ZMYND8: variants seen among roughly 807,000 people sequenced by gnomAD.
The protein encoded by ZMYND8 is MYND-type zinc finger-containing chromatin reader ZMYND8.
In ZMYND8, 37 loss-of-function variants were observed where a neutral mutation model predicts 140.8. That is an observed-to-expected ratio of 0.26 (90% confidence interval 0.20 to 0.35). The LOEUF is 0.35. Among genes scored for constraint, ZMYND8 ranks in the 10% least tolerant of loss-of-function variants. The probability of loss-of-function intolerance (pLI) is 1.00; values close to 1 mark genes in which losing one functional copy is unlikely to be tolerated. For missense variants in ZMYND8, 1,068 were observed against 1,570.0 expected, an observed-to-expected ratio of 0.68 and a Z score of 5.40; for synonymous variants, 592 against 597.1, an observed-to-expected ratio of 0.99 and a Z score of 0.12.
chr20:47,263,741 A>G (rs1258168711), intron 11 of ZMYND8, among the ~76,000 whole-genome samples: 1 of 152,198 alleles, frequency 6.6e-6, no homozygotes, highest in East Asian at 1.9e-4. Flanking sequence ...AAAGAGAGAC[A>G]CTAATAATAT....
intron 5 of ZMYND8, among the ~76,000 whole-genome samples, chr20:47,293,818 A>G (rs1025991739): frequency 6.6e-6 from 1 of 151,998 alleles, no homozygotes; most frequent in Non-Finnish European, 1.5e-5. Flanking sequence ...TTTAATCCCT[A>G]CATGTCAAGG....
chr20:47,215,289 C>T (rs892383738), intron 21 of ZMYND8, among the ~76,000 whole-genome samples: 1 of 152,138 alleles, frequency 6.6e-6, no homozygotes. Flanking sequence ...AGGAGAATCA[C>T]TTGAACCTGG....
chr20:47,224,686 T>A (rs1293661745), intron 18 of ZMYND8, 130 bp from the exon 19 acceptor site: 1 of 1,496,348 alleles, frequency 6.7e-7, no homozygotes, highest in African/African-American at 1.4e-5. Flanking sequence ...TGTGTGCCCA[T>A]GGGCAATAAC....
chr20:47,282,306 T>TG, intron 9 of ZMYND8, 89 bp from the exon 10 acceptor site: 1 of 1,111,368 alleles, frequency 9.0e-7, no homozygotes, highest in South Asian at 1.4e-5. Flanking sequence ...GAAGCAGGAC[T>TG]GTGGGACACA....
chr20:47,287,433 A>C lies in ZMYND8; in HGVS notation c.749-149T>G. 6.0e-6 allele frequency: 4 copies of C among 670,388 alleles called. No homozygotes were observed. The East Asian group carries it at 1.1e-4, about 18-fold the overall frequency. The allele number at this position is 670,388 out of a possible 1,614,324, so 41.5% of individuals were successfully genotyped here. On this transcript the variant is annotated intron_variant, in intron 7 of 22. Coordinates refer to ENST00000471951, the MANE Select transcript of ZMYND8 (RefSeq NM_001281775.3). ...AAACCAGAGGTTCCTGGCTTCTAATAGTAATTCACATTATGTGATTCCTCC... is the reference window on the plus strand; with the variant it reads ...AAACCAGAGGTTCCTGGCTTCTAATCGTAATTCACATTATGTGATTCCTCC...
At chr20:47,300,482 G>A (rs764706179) in intron 3 of ZMYND8, among the ~76,000 whole-genome samples, 2 of 152,110 alleles carry the variant, frequency 1.3e-5, no homozygotes, top group East Asian at 1.9e-4. Context: ...TTTACTAAAC[G>A]GTTATCATTG....
intron 8 of ZMYND8, among the ~76,000 whole-genome samples, chr20:47,285,385 G>A (rs1454848254): frequency 1.3e-5 from 2 of 152,216 alleles, no homozygotes; most frequent in Admixed American, 6.5e-5. Context: ...GGATGGCAGA[G>A]TGCACCTCCT....
At chr20:47,216,675 T>A (rs1273250394) in intron 21 of ZMYND8, among the ~76,000 whole-genome samples, 1 of 151,464 alleles carries the variant, frequency 6.6e-6, no homozygotes, top group Non-Finnish European at 1.5e-5. Context: ...GGTGTGGTGG[T>A]GCACACCTAT....
chr20:47,241,294 CAAAAA>C (rs11476591), intron 14 of ZMYND8, among the ~76,000 whole-genome samples: 14 of 62,032 alleles, frequency 2.3e-4, no homozygotes, highest in African/African-American at 6.2e-4. Context: ...GACTCCGTCT[CAAAAA>C]AAAAAAAAAA....
At chr20:47,340,918 T>G (rs920415925) in intron 2 of ZMYND8, among the ~76,000 whole-genome samples, 1 of 152,094 alleles carries the variant, frequency 6.6e-6, no homozygotes, top group African/African-American at 2.4e-5. Flanking sequence ...ACGCTCTGGA[T>G]GCTGGAAATG....
At chr20:47,309,751 A>C (rs2078775220) in intron 3 of ZMYND8, among the ~76,000 whole-genome samples, 1 of 151,924 alleles carries the variant, frequency 6.6e-6, no homozygotes, top group South Asian at 2.1e-4. Flanking sequence ...CATGGGGAAA[A>C]CAGTCCTAAA....
chr20:47,212,860 T>C (rs969511001), intron 21 of ZMYND8, 135 bp from the exon 22 acceptor site: 18 of 724,640 alleles, frequency 2.5e-5, no homozygotes, highest in Non-Finnish European at 3.4e-5. Flanking sequence ...CATGTCACCA[T>C]TGTCCAACTT....
At chr20:47,313,404 C>G (rs1213088594) in intron 2 of ZMYND8, among the ~76,000 whole-genome samples, 2 of 150,876 alleles carry the variant, frequency 1.3e-5, no homozygotes. Flanking sequence ...GGGCGGATTA[C>G]AAAGTCAGGA....
At chr20:47,339,808 T>G (rs1204547937) in intron 2 of ZMYND8, among the ~76,000 whole-genome samples, 1 of 152,128 alleles carries the variant, frequency 6.6e-6, no homozygotes, top group Admixed American at 6.5e-5. Flanking sequence ...ATTCTATCTG[T>G]GTGAGCAAAG....
Position 47,210,716 on chromosome 20 carries a change from G to C in ZMYND8, c.*45C>G, listed in dbSNP as rs2035116725. On this transcript the variant is annotated 3_prime_UTR_variant, in exon 23 of 23. Coordinates refer to ENST00000471951, the MANE Select transcript of ZMYND8 (RefSeq NM_001281775.3). Reference sequence around the variant, plus strand: ...TTGTTTCTTCTTTTCCTGGCGTCTGGGTTTTTCTCCCAATGGGGTGGGTGG... The same window carrying C: ...TTGTTTCTTCTTTTCCTGGCGTCTGCGTTTTTCTCCCAATGGGGTGGGTGG... The C allele has an allele frequency of 6.2e-7, 1 of 1,613,700 alleles. No homozygotes were observed. The highest frequency in any genetic ancestry group is 8.5e-7 in the Non-Finnish European group (1 of 1,179,910).
intron 12 of ZMYND8, among the ~76,000 whole-genome samples, chr20:47,258,494 C>T (rs562587247): frequency 5.3e-5 from 8 of 152,344 alleles, no homozygotes; most frequent in Middle Eastern, 6.8e-3. Context: ...ACCACCACCA[C>T]AACCAAAACA....
chr20:47,319,406 G>T, intron 2 of ZMYND8: 1 of 221,604 alleles, frequency 4.5e-6, no homozygotes, highest in Non-Finnish European at 9.3e-6. Flanking sequence ...GCTGTGGTTT[G>T]CATTTTGAAG....
intron 18 of ZMYND8, 141 bp downstream of exon 18, chr20:47,227,062 C>A: frequency 2.2e-6 from 2 of 890,692 alleles, no homozygotes; most frequent in Non-Finnish European, 3.6e-6. Context: ...GGCCCAGACT[C>A]TCAGGATTCT....
intron 11 of ZMYND8, among the ~76,000 whole-genome samples, chr20:47,262,796 C>T (rs1372204407): frequency 5.9e-5 from 9 of 152,258 alleles, no homozygotes; most frequent in Admixed American, 2.6e-4. Flanking sequence ...ATGTGGAGAA[C>T]GGGAGCCAGG....
Sources: allele counts gnomAD v4.1 joint callset (sites outside exome capture counted in the v4.1 genomes callset), GRCh38; gene constraint gnomAD v4.1.1; transcripts MANE v1.5; gene names NCBI Gene and HGNC (gene_info 2026-07-23, HGNC 2026-07-21).